Variants in CRYGD observed in about 807,000 individuals in gnomAD.
CRYGD encodes the protein crystallin gamma D.
CRYGD carries 13 observed loss-of-function variants against 11.3 expected under a neutral mutation model. The ratio of observed to expected loss-of-function variants is 1.15; its 90% confidence interval spans 0.75 to 1.83. CRYGD has a LOEUF of 1.83. CRYGD is among the 40% of genes most tolerant of loss of function. CRYGD has a pLI of 0.00. For missense variants in CRYGD, 231 were observed against 229.9 expected (o/e 1.00, Z -0.03); for synonymous variants, 77 against 89.5 (o/e 0.86, Z 0.79).
intron 2 of CRYGD, among the ~76,000 whole-genome samples, chr2:208,123,737 A>G (rs973497440): frequency 6.6e-6 from 1 of 152,232 alleles, no homozygotes; most frequent in South Asian, 2.1e-4. Context: ...AACGGGAAAA[A>G]GTCTCAAAAG....
Position 208,124,337 on chromosome 2 carries a change from G to A in CRYGD, c.27C>T (p.Asp9=), listed in dbSNP as rs775275866. 6.2e-7 allele frequency: 1 copy of A among 1,611,050 alleles called. No individual in the cohort carries two copies. The highest frequency in any genetic ancestry group is 8.5e-7 in the Non-Finnish European group (1 of 1,179,218). The change falls in exon 2 of 3, where the codon GAC becomes GAT. Residue 9 remains aspartate (D), a synonymous_variant. Transcript: ENST00000264376. MGKITLYE[D]RGFQGRHYEC... ...CATAGTGGCGGCCCTGGAAGCCCCG[G>A]TCCTCGTAGAGGGTGATCTGCAAGG...
Position 208,121,914 on chromosome 2 carries a change from C to G in CRYGD, c.284G>C (p.Arg95Thr), listed in dbSNP as rs761284053. 7 of 1,614,162 alleles carry G rather than the reference C, an allele frequency of 4.3e-6. No homozygotes were observed. The highest frequency in any genetic ancestry group is 5.9e-6 in the Non-Finnish European group (7 of 1,180,032). Residue 95 changes from arginine to threonine, a missense_variant, in exon 3 of 3, where the codon AGA becomes ACA. Arg to Thr is a moderately conservative substitution (Grantham distance 71, BLOSUM62 -1). Coordinates refer to ENST00000264376, the MANE Select transcript of CRYGD (RefSeq NM_006891.4). ...TATCATCTGGCCTCTGTAGTCCTCTCTCTCATAGAGTCTGATCCTGTGAGA... is the reference window on the plus strand; with the variant it reads ...TATCATCTGGCCTCTGTAGTCCTCTGTCTCATAGAGTCTGATCCTGTGAGA... ...SGSHRIRLYE[R>T]EDYRGQMIEF...
chr2:208,124,037 T>C (rs1272010710), intron 2 of CRYGD, 75 bp downstream of exon 2: 6 of 1,601,782 alleles, frequency 3.7e-6, no homozygotes, highest in African/African-American at 1.3e-5. Flanking sequence ...TCACTACTTC[T>C]AATGTTTAAC....
chr2:208,124,199 C>G lies in CRYGD; in HGVS notation c.165G>C (p.Gln55His). Reference sequence around the variant, plus strand: ...CATAGTCGCCGCGGCGCAGGAAGTACTGGAGGCCCGAGTAGTTGGGCTGCT... The same window carrying G: ...CATAGTCGCCGCGGCGCAGGAAGTAGTGGAGGCCCGAGTAGTTGGGCTGCT... ...LYEQPNYSGL[Q>H]YFLRRGDYAD... The change falls in exon 2 of 3, where the codon CAG (glutamine) becomes CAC (histidine). Residue 55 changes from glutamine to histidine, a missense_variant. Physicochemically the swap from Gln to His is conservative, Grantham distance 24. Coordinates refer to ENST00000264376, the MANE Select transcript of CRYGD (RefSeq NM_006891.4). 1 of 1,612,068 alleles carries G rather than the reference C, an allele frequency of 6.2e-7. No homozygotes were observed. Among genetic ancestry groups the G allele is most frequent in the Non-Finnish European group, 8.5e-7 (1 of 1,179,932 alleles).
In CRYGD at chr2:208,124,328, G is replaced by T; in HGVS notation, c.36C>A (p.Phe12Leu). The T allele has an allele frequency of 6.2e-7, 1 of 1,610,622 alleles. No individual in the cohort carries two copies. The highest frequency in any genetic ancestry group is 8.5e-7 in the Non-Finnish European group (1 of 1,179,076). ...TGCTGCATTCATAGTGGCGGCCCTG[G>T]AAGCCCCGGTCCTCGTAGAGGGTGA... ...GKITLYEDRG[F>L]QGRHYECSSD... Residue 12 changes from phenylalanine (F) to leucine (L), a missense_variant, in exon 2 of 3, where the codon TTC becomes TTA. Phe to Leu is a conservative substitution (Grantham distance 22, BLOSUM62 0). Coordinates refer to ENST00000264376, the MANE Select transcript of CRYGD (RefSeq NM_006891.4).
rs1694873645 is a variant in CRYGD at position 208,121,948 on chromosome 2, G to A, written c.253-3C>T. 1 of 1,613,990 alleles carries A rather than the reference G, an allele frequency of 6.2e-7. No individual in the cohort carries two copies. Among genetic ancestry groups the A allele is most frequent in the South Asian group, 1.1e-5 (1 of 91,088 alleles). On this transcript the variant is annotated splice_region_variant and splice_polypyrimidine_tract_variant and intron_variant, in intron 2 of 2. Coordinates refer to ENST00000264376, the MANE Select transcript of CRYGD (RefSeq NM_006891.4). The stretch of plus-strand genomic sequence containing the variant: ...AGTCTGATCCTGTGAGAGCCAGACT[G>A]GCGGACCCAGAAATAAAAAGAGAAG...
chr2:208,122,674 C>T (rs1247955471), intron 2 of CRYGD, among the ~76,000 whole-genome samples: 4 of 150,440 alleles, frequency 2.7e-5, no homozygotes, highest in East Asian at 1.9e-4. Flanking sequence ...ACCAGCCTGA[C>T]GAATATGGCG....
chr2:208,121,933 T>C lies in CRYGD; in HGVS notation c.265A>G (p.Arg89Gly). The stretch of plus-strand genomic sequence containing the variant: ...TCCTCTCTCTCATAGAGTCTGATCC[T>C]GTGAGAGCCAGACTGGCGGACCCAG... ...CRLIPHSGSHRIRLYEREDYR... is the reference protein window; with the variant it reads ...CRLIPHSGSHGIRLYEREDYR... Residue 89 changes from arginine to glycine, a missense_variant, in exon 3 of 3, where the codon AGG becomes GGG. Transcript: ENST00000264376. 2 of 1,614,150 alleles carry C rather than the reference T, an allele frequency of 1.2e-6. No homozygotes were observed. Among genetic ancestry groups the C allele is most frequent in the East Asian group, 4.5e-5 (2 of 44,880 alleles).
chr2:208,124,206 C>T lies in CRYGD; in HGVS notation c.158G>A (p.Gly53Asp), dbSNP rs1178386081. Residue 53 changes from glycine (G) to aspartate (D), a missense_variant, in exon 2 of 3, where the codon GGC (glycine) becomes GAC (aspartate). Physicochemically the swap from Gly to Asp is moderately conservative, Grantham distance 94. Transcript: ENST00000264376. ...GCCGCGGCGCAGGAAGTACTGGAGG[C>T]CCGAGTAGTTGGGCTGCTCATAGAG... ...WMLYEQPNYS[G>D]LQYFLRRGDY... 1 of 1,612,098 alleles carries T rather than the reference C, an allele frequency of 6.2e-7. No homozygotes were observed. The highest frequency in any genetic ancestry group is 1.7e-5 in the Admixed American group (1 of 59,986).
chr2:208,124,515 G>A lies in CRYGD; in HGVS notation c.-42C>T, dbSNP rs977878544. 7.2e-6 allele frequency: 11 copies of A among 1,537,560 alleles called. No individual in the cohort carries two copies. Among genetic ancestry groups the A allele is most frequent in the African/African-American group, 6.2e-5 (4 of 64,236 alleles). On this transcript the variant is annotated 5_prime_UTR_variant, in exon 1 of 3. Transcript: ENST00000264376. ...GGCGGTGCTGAGCTGGTGGGGCGGCGGCGCTGAGCGGGTGGGGCTGCGGCG... is the reference window on the plus strand; with the variant it reads ...GGCGGTGCTGAGCTGGTGGGGCGGCAGCGCTGAGCGGGTGGGGCTGCGGCG...
In CRYGD at chr2:208,124,254, C is replaced by T; in HGVS notation, c.110G>A (p.Arg37His). 1.9e-6 allele frequency: 3 copies of T among 1,612,344 alleles called. No homozygotes were observed. The highest frequency in any genetic ancestry group is 1.7e-6 in the Non-Finnish European group (2 of 1,179,560). ...GAGCATCCAGCAGCCGCTGTCCACG[C>T]GCGCCGAGTTGCAGCGGCTCAAGTA... ...QPYLSRCNSA[R>H]VDSGCWMLYE... Residue 37 changes from arginine (R) to histidine (H), a missense_variant, in exon 2 of 3, where the codon CGC becomes CAC. Physicochemically the swap from Arg to His is conservative, Grantham distance 29 (BLOSUM62 0). Coordinates refer to ENST00000264376, the MANE Select transcript of CRYGD (RefSeq NM_006891.4).
rs771917862 is a variant in CRYGD, at chr2:208,124,211, G to A, written c.153C>T (p.Tyr51=). Residue 51 remains tyrosine, a synonymous_variant, in exon 2 of 3, where the codon TAC becomes TAT. Transcript: ENST00000264376. The stretch of plus-strand genomic sequence containing the variant: ...GGCGCAGGAAGTACTGGAGGCCCGA[G>A]TAGTTGGGCTGCTCATAGAGCATCC... The part of the protein sequence containing the change: ...GCWMLYEQPN[Y]SGLQYFLRRG... 6.2e-6 allele frequency: 10 copies of A among 1,612,124 alleles called. No homozygotes were observed. In the South Asian group the frequency reaches 1.1e-4, roughly 18 times the overall value.
chr2:208,124,414 GC>G (rs746178784), intron 1 of CRYGD, 50 bp downstream of exon 1: 2 of 1,599,266 alleles, frequency 1.3e-6, no homozygotes, highest in Non-Finnish European at 1.7e-6. Context: ...CCAGTCTCTG[GC>G]CCCCGCGATG....
At chr2:208,123,775 T>C (rs1217200997) in intron 2 of CRYGD, among the ~76,000 whole-genome samples, 1 of 152,368 alleles carries the variant, frequency 6.6e-6, no homozygotes, top group East Asian at 1.9e-4. Flanking sequence ...CAGTAACTGC[T>C]GTACGCTCTA....
At position 208,121,686 on chromosome 2, in the gene CRYGD, A is replaced by G. The variant is rs989902317; in HGVS notation, c.512T>C (p.Ile171Thr). The G allele has an allele frequency of 6.2e-7, 1 of 1,613,326 alleles. No individual in the cohort carries two copies. The highest frequency in any genetic ancestry group is 1.3e-5 in the African/African-American group (1 of 74,914). The change falls in exon 3 of 3, where the codon ATA becomes ACA. Residue 171 changes from isoleucine (I) to threonine (T), a missense_variant. Ile to Thr is a moderately conservative substitution (Grantham distance 89). Coordinates refer to ENST00000264376, the MANE Select transcript of CRYGD (RefSeq NM_006891.4). Reference protein sequence around the residue: ...NARVGSLRRVIDFS With the variant: ...NARVGSLRRVTDFS The stretch of plus-strand genomic sequence containing the variant: ...AGAGGACATATTTCAGGAGAAATCT[A>G]TGACTCTCCTCAGAGAGCCCACTCT...
chr2:208,122,355 A>G (rs1574545315), intron 2 of CRYGD, among the ~76,000 whole-genome samples: 2 of 148,296 alleles, frequency 1.3e-5, no homozygotes, highest in South Asian at 4.2e-4. Flanking sequence ...TTTAATATAC[A>G]TATGATATCT....
At position 208,121,864 on chromosome 2, in the gene CRYGD, G is replaced by A. The variant is rs748305209; in HGVS notation, c.334C>T (p.Leu112Phe). Residue 112 changes from leucine to phenylalanine, a missense_variant, in exon 3 of 3, where the codon CTT becomes TTT. Transcript: ENST00000264376. ...TCATTGAAGCGGAAGCGGTCCTGAAGACAGGAGCAGTCCTCAGTGAACTCT... is the reference window on the plus strand; with the variant it reads ...TCATTGAAGCGGAAGCGGTCCTGAAAACAGGAGCAGTCCTCAGTGAACTCT... ...MIEFTEDCSC[L>F]QDRFRFNEIH... The A allele has an allele frequency of 1.2e-6, 2 of 1,614,186 alleles. No individual in the cohort carries two copies. Among genetic ancestry groups the A allele is most frequent in the East Asian group, 2.2e-5 (1 of 44,888 alleles).
Position 208,121,682 on chromosome 2 carries a change from A to G in CRYGD, c.516T>C (p.Asp172=), listed in dbSNP as rs1412973924. ...CAAAAGAGGACATATTTCAGGAGAA[A>G]TCTATGACTCTCCTCAGAGAGCCCA... The part of the protein sequence containing the change: ...ARVGSLRRVI[D]FS Residue 172 remains aspartate, a synonymous_variant, in exon 3 of 3, where the codon GAT becomes GAC. Coordinates refer to ENST00000264376, the MANE Select transcript of CRYGD (RefSeq NM_006891.4). The G allele has an allele frequency of 6.2e-7, 1 of 1,613,312 alleles. No individual in the cohort carries two copies. The highest frequency in any genetic ancestry group is 2.2e-5 in the East Asian group (1 of 44,872).
intron 2 of CRYGD, among the ~76,000 whole-genome samples, chr2:208,123,038 G>A (rs951173285): frequency 3.4e-5 from 5 of 149,206 alleles, no homozygotes; most frequent in Non-Finnish European, 7.4e-5. Flanking sequence ...CAGCCTGGGC[G>A]TCAGAGTGAG....
Sources: allele counts gnomAD v4.1 joint callset (sites outside exome capture counted in the v4.1 genomes callset), GRCh38; gene constraint gnomAD v4.1.1; transcripts MANE v1.5; gene names NCBI Gene and HGNC (gene_info 2026-07-23, HGNC 2026-07-21).